Variants in FOCAD observed in about 807,000 individuals in gnomAD.
FOCAD encodes the protein KIAA1797.
A neutral mutation model predicts 225.6 loss-of-function variants in FOCAD; 198 were observed. The ratio of observed to expected loss-of-function variants is 0.88; its 90% CI spans 0.78 to 0.99. The LOEUF (loss-of-function observed/expected upper bound fraction) is 0.99, where lower values mean the gene tolerates loss of function less well. FOCAD is among the 50% of genes least tolerant of loss of function. The pLI, the probability that FOCAD is intolerant of heterozygous loss-of-function variation, is 0.00. For missense variants in FOCAD, 2,713 were observed against 2,123.6 expected (o/e 1.28, Z -5.46); for synonymous variants, 897 against 755.0 (o/e 1.19, Z -3.08).
At chr9:20,785,503 A>T (rs1038836789) in intron 10 of FOCAD, among the ~76,000 whole-genome samples, 2 of 152,132 alleles carry the variant, frequency 1.3e-5, no homozygotes, top group Non-Finnish European at 2.9e-5. Flanking sequence ...TAATCATACA[A>T]TATGTGGTCC....
At chr9:20,977,728 G>C (rs921262432) in intron 36 of FOCAD, among the ~76,000 whole-genome samples, 3 of 152,162 alleles carry the variant, frequency 2.0e-5, no homozygotes, top group African/African-American at 7.2e-5. Flanking sequence ...TTTCACTTAA[G>C]TGCTTTCATA....
chr9:20,848,853 A>G (rs1827374326), intron 15 of FOCAD, among the ~76,000 whole-genome samples: 1 of 151,830 alleles, frequency 6.6e-6, no homozygotes, highest in Non-Finnish European at 1.5e-5. Context: ...GGGATACTTA[A>G]GTTGCTTCTA....
chr9:20,759,271 A>G (rs1462511655), intron 6 of FOCAD, among the ~76,000 whole-genome samples: 1 of 152,220 alleles, frequency 6.6e-6, no homozygotes, highest in Admixed American at 6.5e-5. Flanking sequence ...CTAAGCCAAA[A>G]GAACAAAGCT....
intron 6 of FOCAD, among the ~76,000 whole-genome samples, chr9:20,761,602 A>T (rs1240949024): frequency 6.6e-6 from 1 of 151,882 alleles, no homozygotes; most frequent in Admixed American, 6.6e-5. Flanking sequence ...TTGTATTTTT[A>T]GTAGAGATGA....
upstream of FOCAD, among the ~76,000 whole-genome samples, chr9:20,656,290 G>C (rs1408182512): frequency 6.6e-6 from 1 of 151,778 alleles, no homozygotes; most frequent in Non-Finnish European, 1.5e-5. Context: ...ATGTCTATTA[G>C]GTCTGCTTGG....
At chr9:20,685,196 A>ATT (rs397959541) in intron 1 of FOCAD, among the ~76,000 whole-genome samples, 44 of 143,112 alleles carry the variant, frequency 3.1e-4, no homozygotes, top group African/African-American at 1.1e-3. Flanking sequence ...TGAGTTGGAA[A>ATT]TTTTTTTTTT....
chr9:20,897,118 G>A (rs1029797393), intron 21 of FOCAD: 1 of 151,738 alleles, frequency 6.6e-6, no homozygotes, highest in Non-Finnish European at 1.5e-5. Context: ...TGTCTTCTTC[G>A]AGAATTGACC....
At position 20,770,148 on chromosome 9, in the gene FOCAD, G is replaced by A; in HGVS notation, c.816G>A (p.Leu272=). ...AGCTTACCCAGATGAGTCTTCAGCT[G>A]CTGTGTGTCAGTGAAGTCAGCTTAA... The part of the protein sequence containing the change: ...KIQLTQMSLQ[L]LCVSEVSLKI... Residue 272 remains leucine (L), a synonymous_variant, in exon 8 of 44, where the codon CTG becomes CTA. Coordinates refer to ENST00000338382, the MANE Select transcript of FOCAD (RefSeq NM_001375567.1). 6.2e-7 allele frequency: 1 copy of A among 1,614,100 alleles called. No individual in the cohort carries two copies. The highest frequency in any genetic ancestry group is 8.5e-7 in the Non-Finnish European group (1 of 1,179,996).
rs1192176045 is a variant in FOCAD at position 20,796,591 on chromosome 9, C to T, written c.1455+6983C>T. Among the ~76,000 whole-genome samples, 41 of 152,214 alleles carry T rather than the reference C, an allele frequency of 2.7e-4. 1 individual carries two copies. Among genetic ancestry groups the T allele is most frequent in the Admixed American group, 9.2e-4 (14 of 15,284 alleles). On this transcript the variant is annotated intron_variant, in intron 11 of 43. Coordinates refer to ENST00000338382, the MANE Select transcript of FOCAD (RefSeq NM_001375567.1). ...TGATGATGAGCATTTTTTCATGTGT[C>T]TTTTGGCTGCATAAATGTCTTCTTT...
Position 20,948,834 on chromosome 9 carries a change from T to C in FOCAD, c.3799-17T>C, listed in dbSNP as rs780991531. The C allele has an allele frequency of 1.1e-5, 17 of 1,612,932 alleles. No homozygotes were observed. Among genetic ancestry groups the C allele is most frequent in the Non-Finnish European group, 1.4e-5 (17 of 1,179,196 alleles). On this transcript the variant is annotated splice_polypyrimidine_tract_variant and intron_variant, in intron 31 of 43. Transcript: ENST00000338382. The stretch of plus-strand genomic sequence containing the variant: ...GGACTGATTCCCTCTTTTCATATTC[T>C]GATGCTTTGTTTTCAGGGCACTCCC...
At chr9:20,972,022 C>CA (rs1839809546) in intron 35 of FOCAD, among the ~76,000 whole-genome samples, 1 of 152,010 alleles carries the variant, frequency 6.6e-6, no homozygotes, top group Admixed American at 6.6e-5. Flanking sequence ...GTTGCTTTTA[C>CA]CAATTGGCTG....
intron 35 of FOCAD, among the ~76,000 whole-genome samples, chr9:20,960,503 T>C (rs556860393): frequency 6.6e-6 from 1 of 152,344 alleles, no homozygotes; most frequent in Non-Finnish European, 1.5e-5. Context: ...ACCGATTAGT[T>C]TTAGCATTCA....
chr9:20,968,646 T>C (rs1359611204), intron 35 of FOCAD, among the ~76,000 whole-genome samples: 1 of 151,994 alleles, frequency 6.6e-6, no homozygotes, highest in Non-Finnish European at 1.5e-5. Flanking sequence ...TTGACCATGC[T>C]GTCTAGGCTG....
rs182484116 is a variant in FOCAD, at chr9:20,938,586, G to A, written c.3407+5483G>A. Among the ~76,000 whole-genome samples, 1,328 of 151,416 alleles carry A rather than the reference G, an allele frequency of 8.8e-3. 21 individuals carry two copies. Among genetic ancestry groups the A allele is most frequent in the East Asian group, 0.043 (220 of 5,118 alleles). The stretch of plus-strand genomic sequence containing the variant: ...ACACACGGGGGCCTGTTGTGGGGTG[G>A]GGGGAGTGGGGAGGGATAGCATTAG... On this transcript the variant is annotated intron_variant, in intron 28 of 43. Transcript: ENST00000338382.
chr9:20,770,382 C>G lies in FOCAD; in HGVS notation c.906+144C>G, dbSNP rs1487924383. 4.2e-6 allele frequency: 3 copies of G among 718,022 alleles called. No homozygotes were observed. In the Admixed American group the frequency reaches 8.8e-5, roughly 21 times the overall value. 44.5% of individuals were successfully genotyped at this position (718,022 alleles called of 1,614,324 possible). A position where few individuals can be genotyped will look rare whatever the true frequency, so the allele number is the denominator to read the frequency against. On this transcript the variant is annotated intron_variant, in intron 8 of 43. Transcript: ENST00000338382. ...CATGGTGCTGGCATCTGCTTAGCTT[C>G]TGGGGAGGCCTCAGGAAACTTACAA...
intron 21 of FOCAD, among the ~76,000 whole-genome samples, chr9:20,899,551 A>G (rs1365108361): frequency 6.6e-6 from 1 of 151,838 alleles, no homozygotes; most frequent in Non-Finnish European, 1.5e-5. Context: ...TAGTTTGTTC[A>G]GCTTTTTACT....
chr9:20,854,011 C>T (rs965716400), intron 15 of FOCAD, among the ~76,000 whole-genome samples: 3 of 151,722 alleles, frequency 2.0e-5, no homozygotes, highest in African/African-American at 7.2e-5. Flanking sequence ...AAGAGGGCTT[C>T]ACTGCGTGAT....
intron 21 of FOCAD, among the ~76,000 whole-genome samples, chr9:20,894,853 T>C (rs1022451657): frequency 1.3e-5 from 2 of 152,070 alleles, no homozygotes; most frequent in African/African-American, 4.8e-5. Flanking sequence ...ATCCATTGTT[T>C]ATTTAATACA....
intron 21 of FOCAD, among the ~76,000 whole-genome samples, chr9:20,890,235 G>A (rs1193273009): frequency 1.3e-5 from 2 of 151,870 alleles, no homozygotes; most frequent in Non-Finnish European, 2.9e-5. Flanking sequence ...ACTGATGAGA[G>A]TTAATATTCT....
Sources: gnomAD v4.1 joint callset for allele counts (sites outside exome capture counted in the v4.1 genomes callset) on GRCh38, gnomAD v4.1.1 for gene constraint, MANE v1.5 for transcripts, NCBI Gene and HGNC (gene_info 2026-07-23, HGNC 2026-07-21) for gene names.